The following PIEZO2 variants were observed in gnomAD, a reference collection of about 807,000 sequenced individuals.
PIEZO2 encodes the protein piezo-type mechanosensitive ion channel component 2.
PIEZO2 carries 172 observed loss-of-function variants against 337.3 expected under a neutral mutation model. That is an observed-to-expected ratio of 0.51 (90% CI 0.45 to 0.58). The LOEUF is 0.58. Ranked by LOEUF, PIEZO2 falls within the 20% of genes least tolerant of loss-of-function variation. PIEZO2 has a pLI of 0.00. For synonymous variants in PIEZO2, 1,251 were observed against 1,228.5 expected (o/e 1.02, Z -0.38); for missense variants, 3,028 against 3,391.3 (o/e 0.89, Z 2.66).
chr18:10,841,052 T>C (rs992166945), intron 7 of PIEZO2, among the ~76,000 whole-genome samples: 1 of 152,130 alleles, frequency 6.6e-6, no homozygotes. Flanking sequence ...ACAGACAACG[T>C]TTTGAACTTT....
At position 10,759,930 on chromosome 18, in the gene PIEZO2, G is replaced by GA; in HGVS notation, c.3451-22_3451-21insT. 1 of 1,521,780 alleles carries GA rather than the reference G, an allele frequency of 6.6e-7. No individual in the cohort carries two copies. Among genetic ancestry groups the GA allele is most frequent in the African/African-American group, 1.4e-5 (1 of 71,754 alleles). The allele number at this position is 1,521,780 out of a possible 1,614,324, so 94.3% of individuals were successfully genotyped here. A position where few individuals can be genotyped will look rare whatever the true frequency, so the allele number is the denominator to read the frequency against. On this transcript the variant is annotated intron_variant, in intron 24 of 55. Coordinates refer to ENST00000674853, the MANE Select transcript of PIEZO2 (RefSeq NM_001378183.1). This position sits in a 1 kb window ranked among gnomAD's most constrained non-coding sequence, Gnocchi z 5.5. ...CAGGTCTGTGTAAAGATGAAAAGAG[G>GA]CAAAAAAAAAAAATCAGGCATATGG... is the stretch of plus-strand genomic sequence containing the variant.
rs778162480 is a variant in PIEZO2 at position 10,845,198 on chromosome 18, G to GTT, written c.917+10154_917+10155insAA. Among the ~76,000 whole-genome samples, 106 of 136,376 alleles carry GTT rather than the reference G, an allele frequency of 7.8e-4. No individual in the cohort carries two copies. In the Middle Eastern group the frequency reaches 0.015, roughly 20 times the overall value. The allele number at this position is 136,376 out of a possible 152,430, so 89.5% of individuals were successfully genotyped here. Reference sequence around the variant, plus strand: ...ATAATTTTTCCCATTGTGTGTGTGTGTGTATATATATATATAAACACACAC... The same window carrying GTT: ...ATAATTTTTCCCATTGTGTGTGTGTGTTTGTATATATATATATAAACACACAC... On this transcript the variant is annotated intron_variant, in intron 7 of 55. Coordinates refer to ENST00000674853, the MANE Select transcript of PIEZO2 (RefSeq NM_001378183.1).
rs923661070 is a variant in PIEZO2 at position 10,982,661 on chromosome 18, C to T, written c.161-3001G>A. ...ATTTTGAAATTTTGAAGAATACGAT[C>T]GAAAGTGGGTGAGGTTGGTGTATCA... On this transcript the variant is annotated intron_variant, in intron 2 of 55. Coordinates refer to ENST00000674853, the MANE Select transcript of PIEZO2 (RefSeq NM_001378183.1). The surrounding 1 kb of genome is among the most constrained non-coding windows in gnomAD (Gnocchi z 4.1). Among the ~76,000 whole-genome samples the T allele has an allele frequency of 3.3e-5, 5 of 151,840 alleles. No homozygotes were observed. The highest frequency in any genetic ancestry group is 1.3e-4 in the Admixed American group (2 of 15,244).
chr18:10,786,581 G>T (rs1338904313), intron 16 of PIEZO2, among the ~76,000 whole-genome samples: 1 of 152,160 alleles, frequency 6.6e-6, no homozygotes, highest in Non-Finnish European at 1.5e-5. Flanking sequence ...ACATGCACAG[G>T]AACACCATCT....
intron 26 of PIEZO2, among the ~76,000 whole-genome samples, chr18:10,758,706 C>T (rs907475692): frequency 6.6e-5 from 10 of 152,166 alleles, no homozygotes; most frequent in Admixed American, 1.3e-4. Context: ...ATTCATTTTT[C>T]TTTATCCTTT....
intron 1 of PIEZO2, among the ~76,000 whole-genome samples, chr18:11,084,385 G>A (rs536235984): frequency 2.0e-5 from 3 of 152,280 alleles, no homozygotes; most frequent in Admixed American, 6.5e-5. Flanking sequence ...GTGAGTTCCA[G>A]TACAGTCCTG....
In PIEZO2 at chr18:11,131,232, G is replaced by A. The variant is rs575549058; in HGVS notation, c.64+17293C>T. On this transcript the variant is annotated intron_variant, in intron 1 of 55. Coordinates refer to ENST00000674853, the MANE Select transcript of PIEZO2 (RefSeq NM_001378183.1). This position sits in a 1 kb window ranked among gnomAD's most constrained non-coding sequence, Gnocchi z 5.3. The stretch of plus-strand genomic sequence containing the variant: ...TTTCTGACCCATCTAGCCATAAAGC[G>A]TGTCATGCACAGCAGCATTCCATCA... Among the ~76,000 whole-genome samples, 22 of 152,290 alleles carry A rather than the reference G, an allele frequency of 1.4e-4. No homozygotes were observed. Among genetic ancestry groups the A allele is most frequent in the African/African-American group, 3.6e-4 (15 of 41,566 alleles).
chr18:10,695,973 C>T (rs1187355116), intron 47 of PIEZO2, 101 bp downstream of exon 47: 2 of 1,176,044 alleles, frequency 1.7e-6, no homozygotes, highest in African/African-American at 1.5e-5. Context: ...CAAGGCTCTG[C>T]CTGTGGCCAG....
In PIEZO2 at chr18:10,878,561, A is replaced by T. The variant is rs2144831855; in HGVS notation, c.330-7146T>A. The stretch of plus-strand genomic sequence containing the variant: ...CATAGTTATTAAATAAATGTGTTGG[A>T]GAAAATATTTCAAAAACAAAAGAAA... On this transcript the variant is annotated intron_variant, in intron 4 of 55. Coordinates refer to ENST00000674853, the MANE Select transcript of PIEZO2 (RefSeq NM_001378183.1). The surrounding 1 kb of genome is among the most constrained non-coding windows in gnomAD (Gnocchi z 4.3). Among the ~76,000 whole-genome samples, 1 of 152,356 alleles carries T rather than the reference A, an allele frequency of 6.6e-6. No homozygotes were observed. Among genetic ancestry groups the T allele is most frequent in the Non-Finnish European group, 1.5e-5 (1 of 68,038 alleles).
intron 16 of PIEZO2, among the ~76,000 whole-genome samples, chr18:10,785,158 G>C (rs1349996708): frequency 5.3e-5 from 8 of 152,072 alleles, no homozygotes; most frequent in Admixed American, 4.6e-4. Context: ...AATAAACCTT[G>C]ACATTCCCAA....
chr18:10,720,233 T>TGC (rs1253301947), intron 36 of PIEZO2, among the ~76,000 whole-genome samples: 18 of 139,292 alleles, frequency 1.3e-4, no homozygotes, highest in African/African-American at 4.9e-4. Flanking sequence ...TGTGTGTGTG[T>TGC]GTATATATAT....
intron 3 of PIEZO2, among the ~76,000 whole-genome samples, chr18:10,919,611 C>G (rs2031252235): frequency 6.6e-6 from 1 of 152,148 alleles, no homozygotes; most frequent in African/African-American, 2.4e-5. Flanking sequence ...TGCTTCAACA[C>G]TCTCATCTAT....
rs28508549 is a variant in PIEZO2 at position 10,718,432 on chromosome 18, T to C, written c.5030-173A>G. 0.045 allele frequency among the ~76,000 whole-genome samples: 6,887 copies of C among 152,306 alleles called. 516 individuals are homozygous for C. Among genetic ancestry groups the C allele is most frequent in the African/African-American group, 0.16 (6,525 of 41,530 alleles). ...ATAGCTCTTAGATTATTTTACTCCATGCCAGCATAAAAATTATGTAAATCA... is the reference window on the plus strand; with the variant it reads ...ATAGCTCTTAGATTATTTTACTCCACGCCAGCATAAAAATTATGTAAATCA... On this transcript the variant is annotated intron_variant, in intron 36 of 55. Transcript: ENST00000674853.
At chr18:10,737,005 T>G (rs1287441863) in intron 33 of PIEZO2, among the ~76,000 whole-genome samples, 1 of 152,126 alleles carries the variant, frequency 6.6e-6, no homozygotes, top group African/African-American at 2.4e-5. Flanking sequence ...TTTACATAGA[T>G]GAAGCAGATC....
chr18:10,708,106 C>A (rs1190884432), intron 40 of PIEZO2, among the ~76,000 whole-genome samples, 169 bp downstream of exon 40: 1 of 152,142 alleles, frequency 6.6e-6, no homozygotes, highest in Non-Finnish European at 1.5e-5. Context: ...GTCCTGAGAA[C>A]AATTACATCT....
chr18:10,857,109 T>C lies in PIEZO2; in HGVS notation c.595A>G (p.Lys199Glu). The C allele has an allele frequency of 6.5e-7, 1 of 1,537,750 alleles. No individual in the cohort carries two copies. Among genetic ancestry groups the C allele is most frequent in the Non-Finnish European group, 8.7e-7 (1 of 1,147,018 alleles). The change falls in exon 6 of 56, where the codon AAA (lysine) becomes GAA (glutamate). Residue 199 changes from lysine (K) to glutamate (E), a missense_variant. By Grantham distance (56) the Lys-to-Glu change is moderately conservative (BLOSUM62 1). This residue lies in a region of PIEZO2 where 542 missense variants were observed against 605.6 expected (regional missense o/e 0.89). Coordinates refer to ENST00000674853, the MANE Select transcript of PIEZO2 (RefSeq NM_001378183.1). The stretch of plus-strand genomic sequence containing the variant: ...ACAGAGGCAAGCCTGCGGAACATTT[T>C]TAACTTCGTGCTTTCTTCCAACTCG... ...EGELEESTKL[K>E]MFRRLASVAS... is the part of the protein sequence containing the mutation.
intron 3 of PIEZO2, among the ~76,000 whole-genome samples, chr18:10,927,991 A>ATTTTAAT (rs2031850604): frequency 2.0e-5 from 3 of 152,198 alleles, no homozygotes; most frequent in African/African-American, 7.2e-5. Flanking sequence ...AGACTAAGGA[A>ATTTTAAT]GATTCAAAAT....
rs777712782 is a variant in PIEZO2, at chr18:10,681,660, C to T, written c.7779+1G>A. ...GAAATCTACTATAGGGATTTACTTA[C>T]GGTGTCCCTAGAAAAAGCTTGTATA... is the stretch of plus-strand genomic sequence containing the variant. On this transcript the variant is annotated splice_donor_variant, in intron 51 of 55. Coordinates refer to ENST00000674853, the MANE Select transcript of PIEZO2 (RefSeq NM_001378183.1). LOFTEE classifies it high-confidence loss of function. The T allele has an allele frequency of 1.5e-5, 23 of 1,577,286 alleles. No individual in the cohort carries two copies. The highest frequency in any genetic ancestry group is 1.8e-5 in the Non-Finnish European group (21 of 1,146,872).
chr18:10,983,245 G>C (rs2034737701), intron 2 of PIEZO2, among the ~76,000 whole-genome samples: 2 of 152,114 alleles, frequency 1.3e-5, no homozygotes, highest in Admixed American at 6.5e-5. Flanking sequence ...ACCAATATTG[G>C]CAAGCACCCA....
Sources: allele counts gnomAD v4.1 joint callset (sites outside exome capture counted in the v4.1 genomes callset), GRCh38; gene constraint gnomAD v4.1.1; regional missense constraint gnomAD v4.1.1; non-coding constraint Gnocchi (gnomAD v3.1); transcripts MANE v1.5; gene names NCBI Gene and HGNC (gene_info 2026-07-23, HGNC 2026-07-21).